The following GTF3C1 variants were observed in gnomAD, a reference collection of about 807,000 sequenced individuals.
GTF3C1 encodes the protein general transcription factor IIIC subunit 1, also known as general transcription factor 3C polypeptide 1.
In GTF3C1, 57 loss-of-function variants were observed where a neutral mutation model predicts 226.7. That is an observed-to-expected ratio of 0.25 (90% confidence interval 0.20 to 0.31). The LOEUF is 0.31. Among genes scored for constraint, GTF3C1 ranks in the 10% least tolerant of loss-of-function variants. The pLI is 1.00. For synonymous variants in GTF3C1, 1,090 were observed against 1,084.8 expected (o/e 1.00, Z -0.09); for missense variants, 2,217 against 2,776.1 (o/e 0.80, Z 4.53).
At chr16:27,508,468 G>A (rs1567403308) in intron 8 of GTF3C1, 72 bp downstream of exon 8, 2 of 1,186,310 alleles carry the variant, frequency 1.7e-6, no homozygotes, top group South Asian at 2.5e-5. Flanking sequence ...TTCTGACTGA[G>A]ATGCTCGTTC....
intron 11 of GTF3C1, among the ~76,000 whole-genome samples, chr16:27,501,925 A>T (rs1367799882): frequency 6.6e-6 from 1 of 152,118 alleles, no homozygotes; most frequent in African/African-American, 2.4e-5. Flanking sequence ...CAACATGGTG[A>T]AACCCCGTCT....
chr16:27,524,464 T>C (rs2088799985), intron 6 of GTF3C1, among the ~76,000 whole-genome samples: 1 of 152,220 alleles, frequency 6.6e-6, no homozygotes. Flanking sequence ...TGGGTACTAT[T>C]ACCCCCTAGA....
At chr16:27,533,047 G>A (rs766906118) in intron 5 of GTF3C1, among the ~76,000 whole-genome samples, 8 of 152,082 alleles carry the variant, frequency 5.3e-5, no homozygotes, top group African/African-American at 1.7e-4. Flanking sequence ...CAGGAGAATC[G>A]CTTGAACCTG....
chr16:27,493,117 C>A, intron 17 of GTF3C1, 82 bp downstream of exon 17: 1 of 768,490 alleles, frequency 1.3e-6, no homozygotes, highest in Non-Finnish European at 2.4e-6. Context: ...TTTTCCTCTT[C>A]CTGGTGAATG....
chr16:27,508,461 T>TGA, intron 8 of GTF3C1, 79 bp downstream of exon 8: 4 of 1,129,940 alleles, frequency 3.5e-6, no homozygotes, highest in Non-Finnish European at 5.3e-6. Flanking sequence ...TCGAGTCTTC[T>TGA]GACTGAGATG....
chr16:27,492,676 G>T lies in GTF3C1; in HGVS notation c.2914C>A (p.Leu972Met). 1 of 1,606,242 alleles carries T rather than the reference G, an allele frequency of 6.2e-7. No individual in the cohort carries two copies. The highest frequency in any genetic ancestry group is 8.5e-7 in the Non-Finnish European group (1 of 1,172,840). Residue 972 changes from leucine (L) to methionine (M), a missense_variant, in exon 18 of 37, where the codon CTG (leucine) becomes ATG (methionine). Leu to Met is a conservative substitution (Grantham distance 15). Coordinates refer to ENST00000356183, the MANE Select transcript of GTF3C1 (RefSeq NM_001520.4). The surrounding 1 kb of genome is among the most constrained non-coding windows in gnomAD (Gnocchi z 5.0). ...AACTGTAGCAGCCCCATGTAGCACA[G>T]CCTCTGAAGGTTCTCCACCACCGAA... is the stretch of plus-strand genomic sequence containing the variant. The part of the protein sequence containing the change: ...IFSVVENLQR[L>M]CYMGLLQFGP...
At chr16:27,521,431 G>C (rs180705826) in intron 6 of GTF3C1, among the ~76,000 whole-genome samples, 36 of 152,344 alleles carry the variant, frequency 2.4e-4, no homozygotes, top group African/African-American at 7.9e-4. Context: ...CCTGTCCCCA[G>C]TGTGCTCTTC....
intron 25 of GTF3C1, 37 bp downstream of exon 25, chr16:27,484,174 C>A (rs953496108): frequency 1.3e-5 from 19 of 1,504,638 alleles, no homozygotes; most frequent in African/African-American, 1.1e-4. Flanking sequence ...GATAACGTAA[C>A]CGTGTCCCGG....
In GTF3C1 at chr16:27,488,582, G is replaced by C. The variant is rs778338067; in HGVS notation, c.3483C>G (p.Ser1161=). The C allele has an allele frequency of 6.2e-7, 1 of 1,613,998 alleles. No individual in the cohort carries two copies. Among genetic ancestry groups the C allele is most frequent in the Non-Finnish European group, 8.5e-7 (1 of 1,179,938 alleles). The change falls in exon 22 of 37, where the codon TCC becomes TCG. Residue 1161 remains serine, a synonymous_variant. Transcript: ENST00000356183. ...TGGCACTGAGGGGCATTGGGCGCTTGGACAGAAATGTCTGGAGCCTCACTG... is the reference window on the plus strand; with the variant it reads ...TGGCACTGAGGGGCATTGGGCGCTTCGACAGAAATGTCTGGAGCCTCACTG... The part of the protein sequence containing the change: ...GLTVRLQTFL[S]KRPMPLSARG...
rs934811132 is a variant in GTF3C1 at position 27,469,844 on chromosome 16, G to T, written c.4814+264C>A. Among the ~76,000 whole-genome samples the T allele has an allele frequency of 2.6e-5, 4 of 152,098 alleles. No individual in the cohort carries two copies. Among genetic ancestry groups the T allele is most frequent in the Admixed American group, 2.6e-4 (4 of 15,276 alleles). On this transcript the variant is annotated intron_variant, in intron 31 of 36. Coordinates refer to ENST00000356183, the MANE Select transcript of GTF3C1 (RefSeq NM_001520.4). This position sits in a 1 kb window ranked among gnomAD's most constrained non-coding sequence, Gnocchi z 4.5. ...TTCCCCAGGAAGCCCCAGTTCTGTT[G>T]CGAGGCCCTCAGGAACAGTCCTCCC...
intron 2 of GTF3C1, 34 bp downstream of exon 2, chr16:27,545,280 T>C (rs775967735): frequency 6.7e-7 from 1 of 1,495,640 alleles, no homozygotes; most frequent in South Asian, 1.1e-5. Flanking sequence ...CCCGGCCAGA[T>C]TCCCAGGAAT....
In GTF3C1 at chr16:27,462,085, C is replaced by T. The variant is rs1183377033; in HGVS notation, c.6117+209G>A. 3 of 577,148 alleles carry T rather than the reference C, an allele frequency of 5.2e-6. No individual in the cohort carries two copies. Among genetic ancestry groups the T allele is most frequent in the East Asian group, 2.8e-5 (1 of 35,862 alleles). The allele number at this position is 577,148 out of a possible 1,614,324, so 35.8% of individuals were successfully genotyped here. A position where few individuals can be genotyped will look rare whatever the true frequency, so the allele number is the denominator to read the frequency against. ...CATCAGAGACAAGCACCCCGGGCAC[C>T]CCATCTTCCAGCCTGGTCAGCAGCA... On this transcript the variant is annotated intron_variant, in intron 36 of 36. Transcript: ENST00000356183. This position sits in a 1 kb window ranked among gnomAD's most constrained non-coding sequence, Gnocchi z 4.5.
At chr16:27,501,148 C>T in intron 12 of GTF3C1, 43 bp downstream of exon 12, 2 of 1,558,258 alleles carry the variant, frequency 1.3e-6, no homozygotes. Context: ...AAACTTCCAA[C>T]AGCACGAGGC....
chr16:27,515,207 G>A (rs1000446649), intron 6 of GTF3C1, among the ~76,000 whole-genome samples: 1 of 152,170 alleles, frequency 6.6e-6, no homozygotes, highest in African/African-American at 2.4e-5. Flanking sequence ...CACTTTGGGA[G>A]GCCGAGGTGG....
At chr16:27,549,603 C>G in intron 1 of GTF3C1, 67 bp downstream of exon 1, 1 of 818,928 alleles carries the variant, frequency 1.2e-6, no homozygotes, top group Non-Finnish European at 1.9e-6. Context: ...CCGCCCTGCC[C>G]CCAGCTCCAT....
chr16:27,510,886 A>C (rs1020030420), intron 7 of GTF3C1, among the ~76,000 whole-genome samples: 1 of 152,224 alleles, frequency 6.6e-6, no homozygotes, highest in Admixed American at 6.5e-5. Flanking sequence ...ATCTTAGAAA[A>C]CAACAGGTAG....
At position 27,537,703 on chromosome 16, in the gene GTF3C1, C is replaced by T. The variant is rs1306409977; in HGVS notation, c.752+81G>A. On this transcript the variant is annotated intron_variant, in intron 4 of 36. Transcript: ENST00000356183. ...GATTACAGGTATGAGCCACTGTACC[C>T]AGCTGCCCCTACAATTTTTAAAGCA... 5.0e-6 allele frequency: 5 copies of T among 990,418 alleles called. No individual in the cohort carries two copies. The East Asian group carries it at 9.7e-5, about 19-fold the overall frequency. 61.4% of individuals were successfully genotyped at this position (990,418 alleles called of 1,614,324 possible). A position where few individuals can be genotyped will look rare whatever the true frequency, so the allele number is the denominator to read the frequency against.
rs147512827 is a variant in GTF3C1 at position 27,492,078 on chromosome 16, A to G, written c.3151+260T>C. ...GTGACACACAGCCGGTGTGTTTAATAAATACCTACTCAATGAACAAATGAA... is the reference window on the plus strand; with the variant it reads ...GTGACACACAGCCGGTGTGTTTAATGAATACCTACTCAATGAACAAATGAA... On this transcript the variant is annotated intron_variant, in intron 19 of 36. Transcript: ENST00000356183. The surrounding 1 kb of genome is among the most constrained non-coding windows in gnomAD (Gnocchi z 5.0). Among the ~76,000 whole-genome samples, 1 of 152,306 alleles carries G rather than the reference A, an allele frequency of 6.6e-6. No individual in the cohort carries two copies. The highest frequency in any genetic ancestry group is 1.9e-4 in the East Asian group (1 of 5,170).
chr16:27,462,308 G>A lies in GTF3C1; in HGVS notation c.6103C>T (p.Leu2035=). ...AGGCCCCACACCTGGAGCAACTCCAGCACGGCGACGGGCTGCAGGACCCCC... is the reference window on the plus strand; with the variant it reads ...AGGCCCCACACCTGGAGCAACTCCAACACGGCGACGGGCTGCAGGACCCCC... The part of the protein sequence containing the change: ...YQGVLQPVAV[L]ELLQGLESLG... Residue 2035 remains leucine (L), a synonymous_variant, in exon 36 of 37, where the codon CTG becomes TTG. Transcript: ENST00000356183. This position sits in a 1 kb window ranked among gnomAD's most constrained non-coding sequence, Gnocchi z 4.5. 6.4e-7 allele frequency: 1 copy of A among 1,552,152 alleles called. No individual in the cohort carries two copies. The highest frequency in any genetic ancestry group is 1.2e-5 in the South Asian group (1 of 84,334).
Sources: allele counts gnomAD v4.1 joint callset (sites outside exome capture counted in the v4.1 genomes callset), GRCh38; gene constraint gnomAD v4.1.1; non-coding constraint Gnocchi (gnomAD v3.1); transcripts MANE v1.5; gene names NCBI Gene and HGNC (gene_info 2026-07-23, HGNC 2026-07-21).